PARD3B: variants seen among roughly 807,000 people sequenced by gnomAD.
PARD3B encodes the protein partitioning defective 3 homolog B.
A neutral mutation model predicts 130.2 loss-of-function variants in PARD3B; 103 were observed. That is an observed-to-expected ratio of 0.79 (90% CI 0.67 to 0.93). PARD3B has a LOEUF of 0.93. PARD3B is among the 40% of genes least tolerant of loss of function. The pLI is 0.00. For synonymous variants in PARD3B, 583 were observed against 553.2 expected, an observed-to-expected ratio of 1.05 and a Z score of -0.76; for missense variants, 1,609 against 1,499.2, an observed-to-expected ratio of 1.07 and a Z score of -1.21.
intron 1 of PARD3B, among the ~76,000 whole-genome samples, chr2:204,620,508 G>A (rs923673560): frequency 6.6e-6 from 1 of 152,222 alleles, no homozygotes; most frequent in Non-Finnish European, 1.5e-5. Flanking sequence ...ACAGGGAAGT[G>A]TGATGCTGTC....
In PARD3B at chr2:205,615,656, C is replaced by T; in HGVS notation, c.3461C>T (p.Pro1154Leu). ...PPPPAPQHKGPFRQDVPPSPP... is the reference protein window; with the variant it reads ...PPPPAPQHKGLFRQDVPPSPP... ...CCGCCAGCTCCCCAGCACAAAGGAC[C>T]CTTTCGACAAGACGTTCCGCCTTCC... The change falls in exon 23 of 23, where the codon CCC becomes CTC. Residue 1154 changes from proline to leucine, a missense_variant. Physicochemically the swap from Pro to Leu is moderately conservative, Grantham distance 98. Transcript: ENST00000406610. 1.2e-6 allele frequency: 2 copies of T among 1,614,096 alleles called. No homozygotes were observed. Among genetic ancestry groups the T allele is most frequent in the Non-Finnish European group, 1.7e-6 (2 of 1,180,018 alleles).
intron 2 of PARD3B, among the ~76,000 whole-genome samples, chr2:204,949,494 A>T (rs6722525): frequency 0.03 from 4,587 of 151,528 alleles, 95 homozygotes; most frequent in African/African-American, 0.052. Context: ...ATTTTTTTTT[A>T]AATTTCCTGT....
intron 4 of PARD3B, among the ~76,000 whole-genome samples, chr2:205,075,617 T>C (rs1203196615): frequency 1.3e-5 from 2 of 150,334 alleles, no homozygotes; most frequent in Non-Finnish European, 3.0e-5. Context: ...TATTTCTTCA[T>C]AAGAAATAGT....
At chr2:204,782,350 A>G (rs532313856) in intron 2 of PARD3B, among the ~76,000 whole-genome samples, 14 of 147,798 alleles carry the variant, frequency 9.5e-5, no homozygotes, top group African/African-American at 3.2e-4. Flanking sequence ...TATGTGTTGT[A>G]TATGTTATAT....
intron 18 of PARD3B, among the ~76,000 whole-genome samples, chr2:205,367,630 T>G (rs971109863): frequency 6.6e-6 from 1 of 152,110 alleles, no homozygotes. Context: ...AGATTGGGAG[T>G]ATTAGTAAAT....
At position 205,268,776 on chromosome 2, in the gene PARD3B, A is replaced by G. The variant is rs1385734518; in HGVS notation, c.2185+22954A>G. Reference sequence around the variant, plus strand: ...GACTTCTCAGCTCTTTGGGGAAAATATTGAAATGCATGGTTTTAAGTGATG... The same window carrying G: ...GACTTCTCAGCTCTTTGGGGAAAATGTTGAAATGCATGGTTTTAAGTGATG... On this transcript the variant is annotated intron_variant, in intron 16 of 22. Transcript: ENST00000406610. The surrounding 1 kb of genome is among the most constrained non-coding windows in gnomAD (Gnocchi z 4.1). 6.6e-6 allele frequency among the ~76,000 whole-genome samples: 1 copy of G among 152,176 alleles called. No individual in the cohort carries two copies. The highest frequency in any genetic ancestry group is 1.5e-5 in the Non-Finnish European group (1 of 68,014).
intron 7 of PARD3B, among the ~76,000 whole-genome samples, chr2:205,119,450 G>C (rs1174392603): frequency 6.6e-6 from 1 of 151,926 alleles, no homozygotes; most frequent in African/African-American, 2.4e-5. Flanking sequence ...AGATGTCTGA[G>C]GACTCACCGA....
intron 20 of PARD3B, among the ~76,000 whole-genome samples, chr2:205,496,426 C>T (rs1376629471): frequency 2.0e-5 from 3 of 152,094 alleles, no homozygotes; most frequent in Non-Finnish European, 1.5e-5. Context: ...ATTGAGACAT[C>T]GTCCCAGGTT....
intron 11 of PARD3B, among the ~76,000 whole-genome samples, chr2:205,165,432 A>G (rs573625110): frequency 6.6e-6 from 1 of 152,318 alleles, no homozygotes; most frequent in African/African-American, 2.4e-5. Context: ...GAATGATTTT[A>G]AAATGAAAAG....
At chr2:205,080,752 T>C (rs760543613) in intron 4 of PARD3B, among the ~76,000 whole-genome samples, 7 of 152,172 alleles carry the variant, frequency 4.6e-5, no homozygotes, top group Middle Eastern at 3.2e-3. Flanking sequence ...ACCAGCAGTA[T>C]GAGACAGTAG....
chr2:205,613,860 C>T lies in PARD3B; in HGVS notation c.3261-1596C>T, dbSNP rs139685189. On this transcript the variant is annotated intron_variant, in intron 22 of 22. Coordinates refer to ENST00000406610, the MANE Select transcript of PARD3B (RefSeq NM_001302769.2). ...CAACTTACAGAGCTGTTTTAACATC[C>T]ACCTCCACAGATTACAGGGTGATTC... Among the ~76,000 whole-genome samples the T allele has an allele frequency of 7.0e-3, 1,071 of 152,242 alleles. 4 individuals carry two copies. The highest frequency in any genetic ancestry group is 0.013 in the Non-Finnish European group (853 of 68,006).
Position 205,066,495 on chromosome 2 carries a change from T to A in PARD3B, c.504+18805T>A, listed in dbSNP as rs555168473. Among the ~76,000 whole-genome samples the A allele has an allele frequency of 3.2e-4, 48 of 152,338 alleles. 1 individual carries two copies. In the South Asian group the frequency reaches 9.1e-3, roughly 29 times the overall value. On this transcript the variant is annotated intron_variant, in intron 4 of 22. Coordinates refer to ENST00000406610, the MANE Select transcript of PARD3B (RefSeq NM_001302769.2). Reference sequence around the variant, plus strand: ...GTGTTCATTAGCAGCAAGTGTATACTGTAGTCTGACAACTGGGAGACCTGC... The same window carrying A: ...GTGTTCATTAGCAGCAAGTGTATACAGTAGTCTGACAACTGGGAGACCTGC...
chr2:204,721,702 G>T (rs572363260), intron 2 of PARD3B, among the ~76,000 whole-genome samples: 1 of 151,968 alleles, frequency 6.6e-6, no homozygotes, highest in Non-Finnish European at 1.5e-5. Context: ...AATGGCAAAG[G>T]TATTTTAGTA....
At chr2:205,561,418 T>TTGTCTGGGTGTGGGTAGAGGTTTGAC (rs1472112485) in intron 22 of PARD3B, among the ~76,000 whole-genome samples, 3 of 152,148 alleles carry the variant, frequency 2.0e-5, no homozygotes, top group African/African-American at 7.2e-5. Flanking sequence ...GTGTGAGTGC[T>TTGTCTGGGTGTGGGTAGAGGTTTGAC]TGTCTGGGTG....
intron 4 of PARD3B, among the ~76,000 whole-genome samples, chr2:205,077,630 A>G (rs1189280501): frequency 6.6e-6 from 1 of 152,176 alleles, no homozygotes; most frequent in Non-Finnish European, 1.5e-5. Context: ...TTAATGAAAT[A>G]TTATATGATT....
intron 3 of PARD3B, among the ~76,000 whole-genome samples, chr2:204,977,932 G>A (rs993497284): frequency 1.3e-5 from 2 of 151,988 alleles, no homozygotes; most frequent in African/African-American, 4.8e-5. Flanking sequence ...GAGGCCCTTA[G>A]AGGATCAAAA....
chr2:204,895,231 A>G (rs1481262856), intron 2 of PARD3B, among the ~76,000 whole-genome samples: 1 of 152,118 alleles, frequency 6.6e-6, no homozygotes, highest in Non-Finnish European at 1.5e-5. Context: ...TTTTCCTTCT[A>G]CAAGCTGTAT....
In PARD3B at chr2:204,610,825, G is replaced by T. The variant is rs1003153816; in HGVS notation, c.120+64706G>T. On this transcript the variant is annotated intron_variant, in intron 1 of 22. Coordinates refer to ENST00000406610, the MANE Select transcript of PARD3B (RefSeq NM_001302769.2). This position sits in a 1 kb window ranked among gnomAD's most constrained non-coding sequence, Gnocchi z 4.1. ...TGTTACAGCTGTCCAACAATTGGAA[G>T]TATTTATTATTTACATAACAGTATT... is the stretch of plus-strand genomic sequence containing the variant. 5.3e-5 allele frequency among the ~76,000 whole-genome samples: 8 copies of T among 152,158 alleles called. No individual in the cohort carries two copies. The highest frequency in any genetic ancestry group is 1.9e-4 in the African/African-American group (8 of 41,436).
At chr2:204,894,488 G>A (rs1454225064) in intron 2 of PARD3B, among the ~76,000 whole-genome samples, 14 of 150,610 alleles carry the variant, frequency 9.3e-5, no homozygotes, top group Admixed American at 9.3e-4. Context: ...AAACATCCAT[G>A]CCCCAGCTTC....
Sources: allele counts gnomAD v4.1 joint callset (sites outside exome capture counted in the v4.1 genomes callset), GRCh38; gene constraint gnomAD v4.1.1; non-coding constraint Gnocchi (gnomAD v3.1); transcripts MANE v1.5; gene names NCBI Gene and HGNC (gene_info 2026-07-23, HGNC 2026-07-21).